The following LRRC37A2 variants were observed in gnomAD, a reference collection of about 807,000 sequenced individuals.
LRRC37A2 encodes leucine-rich repeat-containing protein 37A2.
In LRRC37A2, 9 loss-of-function variants were observed where a neutral mutation model predicts 68.8. The observed-to-expected ratio is 0.13, with a 90% confidence interval of 0.08 to 0.23. The LOEUF is 0.23. Ranked by LOEUF, LRRC37A2 falls within the 10% of genes least tolerant of loss-of-function variation. The pLI is 1.00. For missense variants in LRRC37A2, 168 were observed against 950.4 expected (o/e 0.18, Z 10.82); for synonymous variants, 63 against 367.6 (o/e 0.17, Z 9.48).
At chr17:47,020,436 A>G in the LRRC37A2 span, among the ~76,000 whole-genome samples, 29,054 of 149,700 alleles carry the variant, frequency 0.19, 3,689 homozygotes, top group East Asian at 0.56. Context: ...AACTAGTTTT[A>G]TGTCAAACCC....
chr17:46,902,457 A>AGT, the LRRC37A2 span, among the ~76,000 whole-genome samples: 2,845 of 101,658 alleles, frequency 0.028, 72 homozygotes, highest in African/African-American at 0.13. Context: ...ATAAGGGAAC[A>AGT]GTGCGTGTGT....
the LRRC37A2 span, among the ~76,000 whole-genome samples, chr17:46,502,810 G>A: frequency 6.6e-6 from 1 of 151,208 alleles, no homozygotes; most frequent in Non-Finnish European, 1.5e-5. Context: ...ACAACTGTCT[G>A]TACCACCCAG....
At chr17:46,589,378 GCT>G in the LRRC37A2 span, among the ~76,000 whole-genome samples, 1 of 130,716 alleles carries the variant, frequency 7.7e-6, no homozygotes, top group Non-Finnish European at 1.5e-5. Context: ...ACGGAGTCTC[GCT>G]CTGTTGCCCA....
chr17:46,920,860 T>A, the LRRC37A2 span, among the ~76,000 whole-genome samples: 44 of 152,262 alleles, frequency 2.9e-4, no homozygotes, highest in African/African-American at 1.0e-3. Flanking sequence ...AAAGCCAAAA[T>A]TAAGCTGCTC....
the LRRC37A2 span, among the ~76,000 whole-genome samples, chr17:46,961,545 A>G: frequency 1.3e-5 from 2 of 152,220 alleles, no homozygotes; most frequent in Non-Finnish European, 2.9e-5. Flanking sequence ...TGTTAAAAAA[A>G]GAAGCAAATG....
the LRRC37A2 span, among the ~76,000 whole-genome samples, chr17:47,015,020 T>TTG: frequency 6.8e-6 from 1 of 146,480 alleles, no homozygotes; most frequent in Non-Finnish European, 1.5e-5. Flanking sequence ...TTTTTTTTTT[T>TTG]TTTTTGAGAT....
chr17:46,541,250 T>A (rs2055253904), intron 8 of LRRC37A2, among the ~76,000 whole-genome samples: 1 of 150,568 alleles, frequency 6.6e-6, no homozygotes, highest in Non-Finnish European at 1.5e-5. Context: ...TCACAAAGCC[T>A]AATTTTTTTT....
the LRRC37A2 span, among the ~76,000 whole-genome samples, chr17:46,966,085 A>G: frequency 2.6e-5 from 4 of 152,174 alleles, no homozygotes; most frequent in South Asian, 6.2e-4. Flanking sequence ...CTAACGATGG[A>G]TCATTTCTCT....
chr17:46,950,824 A>G, the LRRC37A2 span, among the ~76,000 whole-genome samples: 1 of 152,200 alleles, frequency 6.6e-6, no homozygotes. Context: ...GAACAGAGGA[A>G]AAGCGGGGCC....
the LRRC37A2 span, among the ~76,000 whole-genome samples, chr17:46,737,584 T>C: frequency 2.0e-5 from 3 of 151,692 alleles, no homozygotes; most frequent in African/African-American, 7.3e-5. Flanking sequence ...TGTGTGTGTG[T>C]GTGTGTGTGT....
At chr17:46,811,395 T>C in the LRRC37A2 span, among the ~76,000 whole-genome samples, 1 of 152,132 alleles carries the variant, frequency 6.6e-6, no homozygotes, top group East Asian at 1.9e-4. Flanking sequence ...GGTGACTCTC[T>C]GAGATATTAG....
At chr17:46,839,969 TTTCTTTCTC>T in the LRRC37A2 span, among the ~76,000 whole-genome samples, 29 of 141,878 alleles carry the variant, frequency 2.0e-4, no homozygotes, top group Non-Finnish European at 3.3e-4. Context: ...TCTTTCTTTC[TTTCTTTCTC>T]TTCTTTCTTT....
chr17:46,904,345 G>C, the LRRC37A2 span, among the ~76,000 whole-genome samples: 4 of 151,360 alleles, frequency 2.6e-5, no homozygotes, highest in Admixed American at 2.6e-4. Context: ...GGGTGGATGG[G>C]TGGATGGATG....
rs763373105 is a variant in LRRC37A2 at position 46,549,090 on chromosome 17, A to C, written c.3951A>C (p.Arg1317Ser). Residue 1317 changes from arginine to serine, a missense_variant, in exon 10 of 15, where the codon AGA (arginine) becomes AGC (serine). Physicochemically the swap from Arg to Ser is moderately radical, Grantham distance 110 (BLOSUM62 -1). Coordinates refer to ENST00000576629, the Ensembl canonical transcript of LRRC37A2. Reference sequence around the variant, plus strand: ...AAACTCGCTCCCACGTGACCCACAGAACACCCAAAGTCAAAAAGAGTCCAA... The same window carrying C: ...AAACTCGCTCCCACGTGACCCACAGCACACCCAAAGTCAAAAAGAGTCCAA... The C allele has an allele frequency of 5.0e-6, 8 of 1,611,926 alleles. No individual in the cohort carries two copies. In the Admixed American group the frequency reaches 6.7e-5, roughly 13 times the overall value.
At chr17:46,845,449 A>G in the LRRC37A2 span, among the ~76,000 whole-genome samples, 1 of 149,858 alleles carries the variant, frequency 6.7e-6, no homozygotes, top group Non-Finnish European at 1.5e-5. Context: ...GACATACATG[A>G]GTCGACTTAC....
At chr17:46,876,876 C>T in the LRRC37A2 span, 8 of 1,394,484 alleles carry the variant, frequency 5.7e-6, no homozygotes, top group East Asian at 2.1e-4. Context: ...CATTCCTTGG[C>T]CAGCCTTTTG....
the LRRC37A2 span, among the ~76,000 whole-genome samples, chr17:47,002,483 T>G: frequency 6.6e-6 from 1 of 151,942 alleles, no homozygotes. Flanking sequence ...CTCCGCCTCC[T>G]GGGTTCAAGC....
At chr17:46,893,946 T>C in the LRRC37A2 span, among the ~76,000 whole-genome samples, 1 of 152,180 alleles carries the variant, frequency 6.6e-6, no homozygotes, top group East Asian at 1.9e-4. Flanking sequence ...ACAGTGATGC[T>C]GAGCACGGCA....
the LRRC37A2 span, among the ~76,000 whole-genome samples, chr17:46,906,060 GGTGGTTACGAATGT>G: frequency 6.6e-6 from 1 of 152,262 alleles, no homozygotes; most frequent in East Asian, 1.9e-4. Context: ...CTGACCGCTG[GGTGGTTACGAATGT>G]GTTCCCTGCC....
Sources: gnomAD v4.1 joint callset for allele counts (sites outside exome capture counted in the v4.1 genomes callset) on GRCh38, gnomAD v4.1.1 for gene constraint, MANE v1.5 for transcripts, NCBI Gene and HGNC (gene_info 2026-07-23, HGNC 2026-07-21) for gene names.